Variants in ADAM23 observed in about 807,000 individuals in gnomAD.
The protein encoded by ADAM23 is disintegrin and metalloproteinase domain-containing protein 23.
Under a neutral mutation model 120.1 loss-of-function variants are expected in ADAM23, and 33 were observed. The observed-to-expected ratio is 0.27, with a 90% CI of 0.21 to 0.37. The LOEUF is 0.37. Ranked by LOEUF, ADAM23 falls within the 10% of genes least tolerant of loss-of-function variation. The pLI, the probability that ADAM23 is intolerant of heterozygous loss-of-function variation, is 1.00. For synonymous variants in ADAM23, 367 were observed against 375.2 expected (o/e 0.98, Z 0.25); for missense variants, 862 against 1,058.2 (o/e 0.81, Z 2.57).
intron 6 of ADAM23, among the ~76,000 whole-genome samples, chr2:206,545,014 G>A (rs1032114293): frequency 8.5e-5 from 13 of 152,114 alleles, no homozygotes; most frequent in Non-Finnish European, 1.8e-4. Flanking sequence ...CAGGGTTGGA[G>A]AGGAGTGAAC....
intron 18 of ADAM23, among the ~76,000 whole-genome samples, chr2:206,578,013 GTGA>G (rs1479903597): frequency 6.6e-6 from 1 of 152,082 alleles, no homozygotes; most frequent in East Asian, 1.9e-4. Context: ...CTGATGGCCA[GTGA>G]TGATGAGCAT....
At position 206,564,985 on chromosome 2, in the gene ADAM23, T is replaced by C. The variant is rs184544002; in HGVS notation, c.1346-35T>C. 136 of 1,611,508 alleles carry C rather than the reference T, an allele frequency of 8.4e-5. No homozygotes were observed. In the African/African-American group the frequency reaches 1.5e-3, roughly 18 times the overall value. The stretch of plus-strand genomic sequence containing the variant: ...AATATGTGACTTTCTTTGTTTCCTT[T>C]TTCTTCTGTTGCTTTTATTGTTTTA... On this transcript the variant is annotated intron_variant, in intron 13 of 25. Transcript: ENST00000264377.
rs117365687 is a variant in ADAM23 at position 206,599,229 on chromosome 2, G to A, written c.2359+3067G>A. Among the ~76,000 whole-genome samples the A allele has an allele frequency of 2.3e-3, 342 of 150,010 alleles. 13 individuals carry two copies. The East Asian group carries it at 0.064, about 28-fold the overall frequency. On this transcript the variant is annotated intron_variant, in intron 24 of 25. Coordinates refer to ENST00000264377, the MANE Select transcript of ADAM23 (RefSeq NM_003812.4). ...CAAAAAAAAAAAAAAAAAGAGATAA[G>A]CATTCTGGTATGCTTCTTTCCTGTT...
rs149165152 is a variant in ADAM23 at position 206,445,453 on chromosome 2, A to G, written c.361A>G (p.Ile121Val). 2 of 1,614,188 alleles carry G rather than the reference A, an allele frequency of 1.2e-6. No individual in the cohort carries two copies. The highest frequency in any genetic ancestry group is 1.7e-6 in the Non-Finnish European group (2 of 1,180,024). The stretch of plus-strand genomic sequence containing the variant: ...ACTGCCTTCAAGACTCATATATTAC[A>G]TCAACCAAGACTCGGAAAGCCCTTA... Reference protein sequence around the residue: ...ITLPSRLIYYINQDSESPYHV... With the variant: ...ITLPSRLIYYVNQDSESPYHV... Residue 121 changes from isoleucine to valine, a missense_variant, in exon 2 of 26, where the codon ATC becomes GTC. Physicochemically the swap from Ile to Val is conservative, Grantham distance 29 (BLOSUM62 3). Around this residue, in one of 4 missense-constraint regions of ADAM23, gnomAD observed 225 missense variants for 204.0 expected, o/e 1.10. Coordinates refer to ENST00000264377, the MANE Select transcript of ADAM23 (RefSeq NM_003812.4).
In ADAM23 at chr2:206,589,533, G is replaced by C. The variant is rs1252584865; in HGVS notation, c.1958+19G>C. Reference sequence around the variant, plus strand: ...GCAAACAGTGAGTGGTCAGCTCTAAGGGCATAGTCACTGGACTTGGAAGCC... The same window carrying C: ...GCAAACAGTGAGTGGTCAGCTCTAACGGCATAGTCACTGGACTTGGAAGCC... On this transcript the variant is annotated intron_variant, in intron 21 of 25. Coordinates refer to ENST00000264377, the MANE Select transcript of ADAM23 (RefSeq NM_003812.4). The C allele has an allele frequency of 1.3e-6, 2 of 1,596,590 alleles. No individual in the cohort carries two copies. Among genetic ancestry groups the C allele is most frequent in the South Asian group, 1.1e-5 (1 of 87,974 alleles).
At chr2:206,542,404 A>G (rs1036645105) in intron 5 of ADAM23, among the ~76,000 whole-genome samples, 2 of 152,174 alleles carry the variant, frequency 1.3e-5, no homozygotes, top group Admixed American at 6.5e-5. Flanking sequence ...GGAGTGGCAA[A>G]ACCTAGTCCA....
intron 24 of ADAM23, chr2:206,606,356 C>G (rs981154163): frequency 1.3e-5 from 2 of 152,216 alleles, no homozygotes; most frequent in Non-Finnish European, 2.9e-5. Flanking sequence ...ATGTTTTCTT[C>G]ATTTATTTAG....
At chr2:206,526,198 G>A (rs963289910) in intron 3 of ADAM23, among the ~76,000 whole-genome samples, 3 of 144,876 alleles carry the variant, frequency 2.1e-5, no homozygotes, top group African/African-American at 5.1e-5. Context: ...ACAGACACAC[G>A]TCTATACACA....
chr2:206,547,619 A>G, intron 7 of ADAM23, 118 bp downstream of exon 7: 3 of 789,126 alleles, frequency 3.8e-6, no homozygotes, highest in Non-Finnish European at 6.0e-6. Flanking sequence ...AGGGGTGAAC[A>G]TCGTGGATCA....
chr2:206,570,859 G>A, intron 16 of ADAM23, 48 bp downstream of exon 16: 1 of 1,522,424 alleles, frequency 6.6e-7, no homozygotes, highest in Non-Finnish European at 9.1e-7. Context: ...CTTACTTGGT[G>A]CAAACAGGTA....
intron 2 of ADAM23, among the ~76,000 whole-genome samples, chr2:206,446,073 A>G (rs183212231): frequency 6.6e-6 from 1 of 152,312 alleles, no homozygotes; most frequent in African/African-American, 2.4e-5. Context: ...TGACATTTAA[A>G]AAGATTATGG....
intron 25 of ADAM23, among the ~76,000 whole-genome samples, chr2:206,611,834 TGAGA>T (rs140247771): frequency 1.3e-5 from 2 of 151,950 alleles, no homozygotes; most frequent in African/African-American, 2.4e-5. Flanking sequence ...TCTTTATATC[TGAGA>T]GAGAGAGAGA....
intron 3 of ADAM23, among the ~76,000 whole-genome samples, chr2:206,508,731 T>C (rs1180329689): frequency 6.6e-6 from 1 of 151,536 alleles, no homozygotes; most frequent in African/African-American, 2.4e-5. Context: ...TTTTCAAATA[T>C]CACCTAATGA....
At chr2:206,583,331 A>G (rs1040151253) in intron 18 of ADAM23, among the ~76,000 whole-genome samples, 2 of 152,026 alleles carry the variant, frequency 1.3e-5, no homozygotes, top group East Asian at 1.9e-4. Context: ...ACGAGCGCCT[A>G]TAGTCCCAGC....
At chr2:206,538,725 T>C (rs561118516) in intron 4 of ADAM23, among the ~76,000 whole-genome samples, 7 of 152,314 alleles carry the variant, frequency 4.6e-5, no homozygotes. Flanking sequence ...CTATTTCCAC[T>C]AAAATGAGTA....
At chr2:206,605,681 CA>C in intron 24 of ADAM23, 1 of 656,784 alleles carries the variant, frequency 1.5e-6, no homozygotes, top group South Asian at 1.7e-5. Flanking sequence ...CAAAAAAATT[CA>C]ATATTTAGCC....
At chr2:206,613,716 G>GCA (rs2105867558) in intron 25 of ADAM23, among the ~76,000 whole-genome samples, 1 of 152,278 alleles carries the variant, frequency 6.6e-6, no homozygotes, top group East Asian at 1.9e-4. Flanking sequence ...ATTAGAAAAA[G>GCA]CAGGACCATT....
intron 19 of ADAM23, 65 bp downstream of exon 19, chr2:206,587,440 T>G: frequency 1.6e-6 from 2 of 1,288,554 alleles, no homozygotes; most frequent in Non-Finnish European, 2.2e-6. Flanking sequence ...TTTTTTTCCT[T>G]TTTTGATAAA....
intron 9 of ADAM23, among the ~76,000 whole-genome samples, chr2:206,554,230 C>T (rs1319766651): frequency 6.6e-6 from 1 of 152,028 alleles, no homozygotes; most frequent in African/African-American, 2.4e-5. Context: ...CAGTGGCTTT[C>T]CATTAGAAAA....
Sources: gnomAD v4.1 joint callset for allele counts (sites outside exome capture counted in the v4.1 genomes callset) on GRCh38, gnomAD v4.1.1 for gene constraint, gnomAD v4.1.1 regional missense constraint, MANE v1.5 for transcripts, NCBI Gene and HGNC (gene_info 2026-07-23, HGNC 2026-07-21) for gene names.